ABCF1: variants seen among roughly 807,000 people sequenced by gnomAD.
ABCF1 encodes ATP-binding cassette sub-family F member 1.
ABCF1 carries 73 observed loss-of-function variants against 126.3 expected under a neutral mutation model. The observed-to-expected ratio is 0.58, with a 90% CI of 0.48 to 0.70. ABCF1 has a LOEUF of 0.70. Among genes scored for constraint, ABCF1 ranks in the 30% least tolerant of loss-of-function variants. The pLI is 0.00. For missense variants in ABCF1, 786 were observed against 1,057.5 expected, an observed-to-expected ratio of 0.74 and a Z score of 3.56; for synonymous variants, 345 against 396.4, an observed-to-expected ratio of 0.87 and a Z score of 1.54.
intron 8 of ABCF1, 110 bp from the exon 9 acceptor site, chr6:30,582,284 C>T: frequency 3.0e-6 from 2 of 656,534 alleles, no homozygotes; most frequent in East Asian, 5.5e-5. Flanking sequence ...TCTTGATCTC[C>T]TGACCTTGGG....
chr6:30,580,667 G>GTT, intron 8 of ABCF1, 148 bp downstream of exon 8: 1 of 527,240 alleles, frequency 1.9e-6, no homozygotes, highest in East Asian at 3.5e-5. Context: ...GTGGTGGTTC[G>GTT]TTTGTTTTTG....
At position 30,578,184 on chromosome 6, in the gene ABCF1, A is replaced by T; in HGVS notation, c.325A>T (p.Ser109Cys). The stretch of plus-strand genomic sequence containing the variant: ...TCTTAAGAAGCTCTCAGTGCCAACC[A>T]GTGATGAGGAGGATGAAGGTAAATG... ...ERLKKLSVPT[S>C]DEEDEVPAPK... The change falls in exon 4 of 25, where the codon AGT becomes TGT. Residue 109 changes from serine to cysteine, a missense_variant. This residue lies in a region of ABCF1 where 322 missense variants were observed against 322.9 expected (regional missense o/e 1.00). Coordinates refer to ENST00000326195, the MANE Select transcript of ABCF1 (RefSeq NM_001025091.2). The T allele has an allele frequency of 6.2e-7, 1 of 1,613,938 alleles. No homozygotes were observed. The highest frequency in any genetic ancestry group is 1.1e-5 in the South Asian group (1 of 91,072).
At chr6:30,577,736 A>G in intron 2 of ABCF1, 82 bp from the exon 3 acceptor site, 1 of 1,347,486 alleles carries the variant, frequency 7.4e-7, no homozygotes, top group Non-Finnish European at 1.1e-6. Context: ...GTGGAGGGCC[A>G]GTGGGCCAAT....
In ABCF1 at chr6:30,586,099, G is replaced by A; in HGVS notation, c.1714-35G>A. On this transcript the variant is annotated intron_variant, in intron 17 of 24. Transcript: ENST00000326195. This position sits in a 1 kb window ranked among gnomAD's most constrained non-coding sequence, Gnocchi z 4.9. ...CTACATTTCAAGGACTGCCGCGCAG[G>A]GCTCAGGTTTCTCTTTTTTCCTCTT... The A allele has an allele frequency of 5.0e-6, 8 of 1,605,062 alleles. No individual in the cohort carries two copies. Among genetic ancestry groups the A allele is most frequent in the Non-Finnish European group, 6.8e-6 (8 of 1,176,638 alleles).
chr6:30,582,279 A>C, intron 8 of ABCF1, 115 bp from the exon 9 acceptor site: 1 of 641,414 alleles, frequency 1.6e-6, no homozygotes, highest in Non-Finnish European at 2.8e-6. Flanking sequence ...GATGGTCTTG[A>C]TCTCCTGACC....
chr6:30,571,654 C>CGG (rs1249304105), intron 1 of ABCF1, 94 bp downstream of exon 1: 8 of 1,366,916 alleles, frequency 5.9e-6, no homozygotes, highest in Non-Finnish European at 7.1e-6. Context: ...CGAGACTGAC[C>CGG]GGGCCCCTGC....
At chr6:30,578,009 C>T (rs1408237376) in intron 3 of ABCF1, 67 bp from the exon 4 acceptor site, 1 of 1,613,720 alleles carries the variant, frequency 6.2e-7, no homozygotes, top group Middle Eastern at 1.7e-4. Context: ...ATGGGGAACC[C>T]TCTGTGAGGC....
chr6:30,580,415 A>G lies in ABCF1; in HGVS notation c.574A>G (p.Lys192Glu). 1 of 1,539,400 alleles carries G rather than the reference A, an allele frequency of 6.5e-7. No individual in the cohort carries two copies. The highest frequency in any genetic ancestry group is 1.3e-5 in the South Asian group (1 of 77,990). ...GTCTTTTCCCTATTAGCCTCAAAAT[A>G]AATTCGCTGCTCTGGACAATGAAGA... ...KSKGKAKPQN[K>E]FAALDNEEED... The change falls in exon 8 of 25, where the codon AAA becomes GAA. Residue 192 changes from lysine to glutamate, a missense_variant. Around this residue, in one of 4 missense-constraint regions of ABCF1, gnomAD observed 322 missense variants for 322.9 expected, o/e 1.00. Coordinates refer to ENST00000326195, the MANE Select transcript of ABCF1 (RefSeq NM_001025091.2).
At chr6:30,579,576 G>C (rs958373127) in intron 6 of ABCF1, among the ~76,000 whole-genome samples, 1 of 149,822 alleles carries the variant, frequency 6.7e-6, no homozygotes, top group African/African-American at 2.5e-5. Flanking sequence ...TCCTGCCTCA[G>C]CTTCCTGAGT....
intron 15 of ABCF1, 68 bp from the exon 16 acceptor site, chr6:30,585,490 G>A (rs1802067455): frequency 2.5e-6 from 4 of 1,605,056 alleles, no homozygotes; most frequent in African/African-American, 1.3e-5. Context: ...CCCGTTGTCT[G>A]CCTGCTTCCT....
intron 8 of ABCF1, 60 bp downstream of exon 8, chr6:30,580,579 G>T: frequency 9.6e-7 from 1 of 1,042,044 alleles, no homozygotes. Flanking sequence ...GGGTCCTTAT[G>T]GGAGAGTTAG....
rs1005258000 is a variant in ABCF1 at position 30,574,441 on chromosome 6, A to G, written c.73+2881A>G. Among the ~76,000 whole-genome samples the G allele has an allele frequency of 1.7e-4, 26 of 152,176 alleles. No individual in the cohort carries two copies. Among genetic ancestry groups the G allele is most frequent in the African/African-American group, 6.3e-4 (26 of 41,440 alleles). Reference sequence around the variant, plus strand: ...CGTGAGCCAGTGTGCCTGGCCACAAAAGAGATTTAAAGGAAGGAGAGATGG... The same window carrying G: ...CGTGAGCCAGTGTGCCTGGCCACAAGAGAGATTTAAAGGAAGGAGAGATGG... On this transcript the variant is annotated intron_variant, in intron 1 of 24. Transcript: ENST00000326195. The surrounding 1 kb of genome is among the most constrained non-coding windows in gnomAD (Gnocchi z 4.3).
intron 8 of ABCF1, among the ~76,000 whole-genome samples, chr6:30,581,786 C>G (rs1260633135): frequency 6.6e-6 from 1 of 152,304 alleles, no homozygotes; most frequent in Non-Finnish European, 1.5e-5. Context: ...AATCCATTTA[C>G]TCCACCTTCA....
In ABCF1 at chr6:30,585,907, G is replaced by A. The variant is rs1454238314; in HGVS notation, c.1629G>A (p.Lys543=). ...YMTFKKMYQQ[K]QKELLKQYEK... ...CCTTCAAAAAGATGTACCAGCAGAA[G>A]CAGAAAGAACTGCTGAAACAGTATG... Residue 543 remains lysine, a synonymous_variant, in exon 17 of 25, where the codon AAG becomes AAA. Coordinates refer to ENST00000326195, the MANE Select transcript of ABCF1 (RefSeq NM_001025091.2). 6.2e-7 allele frequency: 1 copy of A among 1,608,482 alleles called. No homozygotes were observed. The highest frequency in any genetic ancestry group is 2.2e-5 in the East Asian group (1 of 44,830).
intron 1 of ABCF1, among the ~76,000 whole-genome samples, chr6:30,571,982 AG>A (rs1801276119): frequency 6.6e-6 from 1 of 151,998 alleles, no homozygotes; most frequent in African/African-American, 2.4e-5. Context: ...TTCTCAAGAG[AG>A]GGTGACTCCT....
chr6:30,575,608 C>CT lies in ABCF1; in HGVS notation c.74-1800dup, dbSNP rs750942137. On this transcript the variant is annotated intron_variant, in intron 1 of 24. Transcript: ENST00000326195. Reference sequence around the variant, plus strand: ...GTTTTGGCTTTACTGGGAACACAGGCTAAACAGTCTCTCAGGTTACTCTCT... The same window carrying CT: ...GTTTTGGCTTTACTGGGAACACAGGCTTAAACAGTCTCTCAGGTTACTCTCT... Among the ~76,000 whole-genome samples the CT allele has an allele frequency of 8.5e-4, 129 of 151,960 alleles. 1 individual carries two copies. The highest frequency in any genetic ancestry group is 5.4e-3 in the Admixed American group (82 of 15,264).
Position 30,577,410 on chromosome 6 carries a change from C to T in ABCF1, c.75C>T (p.Asp25=). The T allele has an allele frequency of 1.2e-6, 2 of 1,613,538 alleles. No individual in the cohort carries two copies. Among genetic ancestry groups the T allele is most frequent in the South Asian group, 1.1e-5 (1 of 91,002 alleles). Residue 25 remains aspartate (D), a splice_region_variant and synonymous_variant, in exon 2 of 25, where the codon GAC becomes GAT. Transcript: ENST00000326195. ...CACGATGTCCGCTTAACTTTCTAGA[C>T]AAAGTGGTGAAGAAAGGGAAGAAGG... The part of the protein sequence containing the change: ...IGDGESTSPS[D]KVVKKGKKDK...
At position 30,586,162 on chromosome 6, in the gene ABCF1, G is replaced by A. The variant is rs747793457; in HGVS notation, c.1742G>A (p.Arg581Gln). Residue 581 changes from arginine to glutamine, a missense_variant, in exon 18 of 25, where the codon CGG (arginine) becomes CAG (glutamine). Arg to Gln is a conservative substitution (Grantham distance 43). Coordinates refer to ENST00000326195, the MANE Select transcript of ABCF1 (RefSeq NM_001025091.2). The surrounding 1 kb of genome is among the most constrained non-coding windows in gnomAD (Gnocchi z 4.9). ...AEKQTKEALT[R>Q]KQQKCRRKNQ... ...AAACAAACGAAGGAAGCCCTGACTC[G>A]GAAGCAGCAGAAATGCCGACGGAAA... 6 of 1,613,442 alleles carry A rather than the reference G, an allele frequency of 3.7e-6. No homozygotes were observed. Among genetic ancestry groups the A allele is most frequent in the East Asian group, 4.5e-5 (2 of 44,876 alleles).
intron 7 of ABCF1, 21 bp downstream of exon 7, chr6:30,580,026 A>T: frequency 3.1e-6 from 5 of 1,610,244 alleles, no homozygotes; most frequent in Non-Finnish European, 4.2e-6. Flanking sequence ...AACTAGCAGG[A>T]GGAGGTATTG....
Sources: allele counts gnomAD v4.1 joint callset (sites outside exome capture counted in the v4.1 genomes callset), GRCh38; gene constraint gnomAD v4.1.1; regional missense constraint gnomAD v4.1.1; non-coding constraint Gnocchi (gnomAD v3.1); transcripts MANE v1.5; gene names NCBI Gene and HGNC (gene_info 2026-07-23, HGNC 2026-07-21).